GRIK2: variants seen among roughly 807,000 people sequenced by gnomAD.
GRIK2 encodes glutamate receptor ionotropic, kainate 2.
Under a neutral mutation model 100.3 loss-of-function variants are expected in GRIK2, and 32 were observed. That is an observed-to-expected ratio of 0.32 (90% CI 0.24 to 0.43). GRIK2 has a LOEUF of 0.43. GRIK2 is among the 20% of genes least tolerant of loss of function. The probability of loss-of-function intolerance (pLI) is 1.00; values close to 1 mark genes in which losing one functional copy is unlikely to be tolerated. For synonymous variants in GRIK2, 417 were observed against 389.4 expected (o/e 1.07, Z -0.83); for missense variants, 843 against 1,114.9 (o/e 0.76, Z 3.47).
chr6:101,852,829 T>C (rs531944873), intron 10 of GRIK2, among the ~76,000 whole-genome samples: 44 of 152,138 alleles, frequency 2.9e-4, no homozygotes, highest in Non-Finnish European at 5.0e-4. Context: ...TCTATGGAAA[T>C]GTGTTATCTA....
At chr6:101,656,278 G>A (rs1466504262) in intron 4 of GRIK2, among the ~76,000 whole-genome samples, 2 of 150,174 alleles carry the variant, frequency 1.3e-5, no homozygotes, top group African/African-American at 4.9e-5. Context: ...ACTCCAGCCT[G>A]GGTAACAAGA....
intron 2 of GRIK2, among the ~76,000 whole-genome samples, chr6:101,570,449 C>A (rs757336645): frequency 6.6e-6 from 1 of 152,170 alleles, no homozygotes; most frequent in Middle Eastern, 3.4e-3. Context: ...CTCCTCCTAT[C>A]TTTCTTCCTT....
intron 2 of GRIK2, among the ~76,000 whole-genome samples, chr6:101,589,087 C>A (rs1227434488): frequency 6.6e-6 from 1 of 152,140 alleles, no homozygotes; most frequent in East Asian, 1.9e-4. Context: ...TGAAACCTAC[C>A]ATTCTGGCTT....
At chr6:101,888,041 CCTCT>C (rs1179621260) in intron 11 of GRIK2, among the ~76,000 whole-genome samples, 2 of 152,074 alleles carry the variant, frequency 1.3e-5, no homozygotes, top group Non-Finnish European at 2.9e-5. Context: ...GAAAATACTC[CCTCT>C]GTCTGCACTC....
At chr6:101,967,187 A>AAAT (rs1165719306) in intron 14 of GRIK2, among the ~76,000 whole-genome samples, 1 of 151,962 alleles carries the variant, frequency 6.6e-6, no homozygotes. Context: ...AATTCAGATT[A>AAAT]AATAGACTTT....
At chr6:101,985,693 G>T (rs1793980474) in intron 14 of GRIK2, among the ~76,000 whole-genome samples, 1 of 151,734 alleles carries the variant, frequency 6.6e-6, no homozygotes, top group Non-Finnish European at 1.5e-5. Flanking sequence ...AAATGTGAAG[G>T]TATAATCCAG....
At chr6:101,969,611 C>CTGA (rs1337319321) in intron 14 of GRIK2, among the ~76,000 whole-genome samples, 4 of 151,972 alleles carry the variant, frequency 2.6e-5, no homozygotes, top group African/African-American at 9.7e-5. Context: ...AATTTCCGAA[C>CTGA]TGATAGTTTT....
chr6:101,707,465 T>C (rs1211749608), intron 7 of GRIK2, among the ~76,000 whole-genome samples: 2 of 145,504 alleles, frequency 1.4e-5, no homozygotes, highest in Admixed American at 1.4e-4. Context: ...TTATATATAT[T>C]ATATATAATA....
intron 7 of GRIK2, among the ~76,000 whole-genome samples, chr6:101,794,163 T>C (rs983816313): frequency 6.6e-6 from 1 of 152,206 alleles, no homozygotes; most frequent in Non-Finnish European, 1.5e-5. Context: ...TTGCGCTTCC[T>C]GAGTGAGGCA....
At chr6:102,046,015 C>T (rs1770868573) in intron 15 of GRIK2, among the ~76,000 whole-genome samples, 1 of 151,872 alleles carries the variant, frequency 6.6e-6, no homozygotes, top group African/African-American at 2.4e-5. Context: ...AAATGTATTC[C>T]ATGCACATGG....
chr6:102,009,118 T>C (rs113883840), intron 14 of GRIK2, among the ~76,000 whole-genome samples: 30 of 152,090 alleles, frequency 2.0e-4, no homozygotes, highest in African/African-American at 6.5e-4. Flanking sequence ...TTATGGTTAC[T>C]AGATGGTTTA....
intron 2 of GRIK2, among the ~76,000 whole-genome samples, chr6:101,428,496 A>G (rs958914595): frequency 1.3e-5 from 2 of 152,214 alleles, no homozygotes; most frequent in South Asian, 2.1e-4. Flanking sequence ...GTAGGATTAA[A>G]GAATATCACA....
intron 11 of GRIK2, among the ~76,000 whole-genome samples, chr6:101,877,644 A>C (rs1473320829): frequency 6.6e-6 from 1 of 151,982 alleles, no homozygotes; most frequent in East Asian, 1.9e-4. Context: ...TCTGAGTACA[A>C]AATAAGTATT....
chr6:101,910,452 C>T (rs1788596149), intron 12 of GRIK2, among the ~76,000 whole-genome samples: 1 of 151,060 alleles, frequency 6.6e-6, no homozygotes, highest in Non-Finnish European at 1.5e-5. Context: ...TATATTCTTC[C>T]ATTCTTAAAG....
chr6:101,968,703 C>G lies in GRIK2; in HGVS notation c.2085+40071C>G, dbSNP rs150060683. On this transcript the variant is annotated intron_variant, in intron 14 of 16. Coordinates refer to ENST00000369134, the MANE Select transcript of GRIK2 (RefSeq NM_021956.5). Reference sequence around the variant, plus strand: ...TCCTTTCACACTTGCACTTCTTGAACTTGGTAAACATAAATCACACTTTCA... The same window carrying G: ...TCCTTTCACACTTGCACTTCTTGAAGTTGGTAAACATAAATCACACTTTCA... 5.9e-3 allele frequency among the ~76,000 whole-genome samples: 893 copies of G among 152,068 alleles called. 7 individuals carry two copies. The highest frequency in any genetic ancestry group is 0.01 in the Non-Finnish European group (682 of 67,946).
At chr6:101,513,078 C>T (rs761313090) in intron 2 of GRIK2, among the ~76,000 whole-genome samples, 2 of 152,040 alleles carry the variant, frequency 1.3e-5, no homozygotes, top group Non-Finnish European at 2.9e-5. Flanking sequence ...GCCCATGACG[C>T]AGCCTCCAGG....
intron 14 of GRIK2, among the ~76,000 whole-genome samples, chr6:101,960,053 G>GTTTTTTTT (rs781532291): frequency 7.6e-6 from 1 of 131,028 alleles, no homozygotes; most frequent in African/African-American, 2.9e-5. Context: ...TTAGTGTTTT[G>GTTTTTTTT]TTTTTTTTTT....
intron 7 of GRIK2, among the ~76,000 whole-genome samples, chr6:101,746,739 T>C (rs960345993): frequency 2.0e-5 from 3 of 152,206 alleles, no homozygotes; most frequent in Admixed American, 1.3e-4. Context: ...CTTTCTAATA[T>C]TGAATCCCTC....
intron 9 of GRIK2, among the ~76,000 whole-genome samples, chr6:101,809,086 T>C (rs1237386780): frequency 6.6e-6 from 1 of 151,880 alleles, no homozygotes; most frequent in Non-Finnish European, 1.5e-5. Flanking sequence ...AAATTTGTCA[T>C]ATTTTACTTT....
Sources: gnomAD v4.1 joint callset for allele counts (sites outside exome capture counted in the v4.1 genomes callset) on GRCh38, gnomAD v4.1.1 for gene constraint, MANE v1.5 for transcripts, NCBI Gene and HGNC (gene_info 2026-07-23, HGNC 2026-07-21) for gene names.